Variants in SLIT3 observed in about 807,000 individuals in gnomAD.
The protein encoded by SLIT3 is slit guidance ligand 3.
In SLIT3, 68 loss-of-function variants were observed where a neutral mutation model predicts 184.0. The observed-to-expected ratio is 0.37, with a 90% CI of 0.30 to 0.45. The LOEUF is 0.45. Among genes scored for constraint, SLIT3 ranks in the 20% least tolerant of loss-of-function variants. The probability of loss-of-function intolerance (pLI) is 1.00; values close to 1 mark genes in which losing one functional copy is unlikely to be tolerated. For missense variants in SLIT3, 1,707 were observed against 2,026.0 expected (o/e 0.84, Z 3.02); for synonymous variants, 831 against 828.6 (o/e 1.00, Z -0.05).
At chr5:169,214,764 C>T (rs112801336) in intron 3 of SLIT3, among the ~76,000 whole-genome samples, 7 of 152,334 alleles carry the variant, frequency 4.6e-5, no homozygotes, top group African/African-American at 1.7e-4. Flanking sequence ...ACTGTCATCT[C>T]CTTCCATCCC....
Position 168,775,090 on chromosome 5 carries a change from T to A in SLIT3, c.1152-712A>T, listed in dbSNP as rs1022188221. Among the ~76,000 whole-genome samples the A allele has an allele frequency of 8.7e-5, 13 of 149,816 alleles. No homozygotes were observed. In the Admixed American group the frequency reaches 8.8e-4, roughly 10 times the overall value. On this transcript the variant is annotated intron_variant, in intron 12 of 35. Coordinates refer to ENST00000519560, the MANE Select transcript of SLIT3 (RefSeq NM_003062.4). ...CTTGCTCTTGTCGCCCAGGCTGGAGTTCAATGGCGTGATCTCGGCTCACTG... is the reference window on the plus strand; with the variant it reads ...CTTGCTCTTGTCGCCCAGGCTGGAGATCAATGGCGTGATCTCGGCTCACTG...
rs114696446 is a variant in SLIT3 at position 169,089,955 on chromosome 5, T to A, written c.413+103524A>T. 4.7e-3 allele frequency among the ~76,000 whole-genome samples: 722 copies of A among 152,190 alleles called. 6 individuals carry two copies. Among genetic ancestry groups the A allele is most frequent in the Middle Eastern group, 0.014 (4 of 294 alleles). On this transcript the variant is annotated intron_variant, in intron 4 of 35. Transcript: ENST00000519560. ...AGCTTGGACTTGGTATCATTCAGAG[T>A]CCTACCAAGAGAATCAAAACCACTT... is the stretch of plus-strand genomic sequence containing the variant.
At chr5:169,160,169 T>C (rs1262012119) in intron 4 of SLIT3, among the ~76,000 whole-genome samples, 1 of 152,238 alleles carries the variant, frequency 6.6e-6, no homozygotes, top group African/African-American at 2.4e-5. Flanking sequence ...GAGTTGTACT[T>C]ACTGAAGGCT....
At chr5:169,287,933 C>T (rs541414760) in intron 1 of SLIT3, among the ~76,000 whole-genome samples, 1 of 152,284 alleles carries the variant, frequency 6.6e-6, no homozygotes, top group East Asian at 1.9e-4. Flanking sequence ...ACCCTTTCTC[C>T]CAGAGCAGGG....
At chr5:169,088,861 A>C (rs919653675) in intron 4 of SLIT3, among the ~76,000 whole-genome samples, 4 of 151,700 alleles carry the variant, frequency 2.6e-5, no homozygotes, top group African/African-American at 7.3e-5. Flanking sequence ...CTCTACTAGA[A>C]ATACAAAAAT....
chr5:168,805,781 A>G (rs1756933746), intron 9 of SLIT3, among the ~76,000 whole-genome samples: 1 of 152,238 alleles, frequency 6.6e-6, no homozygotes, highest in Admixed American at 6.5e-5. Context: ...AATGGTAGCT[A>G]AGAAATGAGT....
At chr5:168,817,692 T>C (rs1293207105) in intron 7 of SLIT3, among the ~76,000 whole-genome samples, 2 of 152,234 alleles carry the variant, frequency 1.3e-5, no homozygotes, top group Non-Finnish European at 2.9e-5. Context: ...AAAGCTCATT[T>C]TTTAATAGCA....
At chr5:168,966,148 A>G (rs1272239532) in intron 4 of SLIT3, among the ~76,000 whole-genome samples, 1 of 151,984 alleles carries the variant, frequency 6.6e-6, no homozygotes, top group African/African-American at 2.4e-5. Flanking sequence ...TAAGAATTAA[A>G]CTCTACAGTT....
At chr5:168,856,766 C>T (rs967163254) in intron 5 of SLIT3, among the ~76,000 whole-genome samples, 6 of 132,932 alleles carry the variant, frequency 4.5e-5, no homozygotes, top group South Asian at 5.7e-4. Flanking sequence ...CTGAGTTCCT[C>T]GTGTGTGTGT....
chr5:169,130,926 G>A (rs1327766225), intron 4 of SLIT3, among the ~76,000 whole-genome samples: 4 of 152,070 alleles, frequency 2.6e-5, no homozygotes, highest in Non-Finnish European at 4.4e-5. Context: ...TATACAAAAT[G>A]TTGCAATATG....
intron 5 of SLIT3, among the ~76,000 whole-genome samples, chr5:168,857,758 C>T (rs1169220038): frequency 1.3e-5 from 2 of 152,178 alleles, no homozygotes; most frequent in African/African-American, 4.8e-5. Context: ...GGTCGGAGGG[C>T]TGAACAGCAG....
At chr5:168,960,314 C>T (rs1476718738) in intron 4 of SLIT3, among the ~76,000 whole-genome samples, 1 of 152,188 alleles carries the variant, frequency 6.6e-6, no homozygotes, top group Non-Finnish European at 1.5e-5. Flanking sequence ...AGCCATGCCT[C>T]TTCTCTGAAT....
intron 4 of SLIT3, among the ~76,000 whole-genome samples, chr5:168,925,140 C>A (rs993709284): frequency 6.6e-6 from 1 of 152,198 alleles, no homozygotes; most frequent in African/African-American, 2.4e-5. Context: ...ACAGTTTAAG[C>A]AGGAAGTCCA....
chr5:169,045,640 T>C (rs900665693), intron 4 of SLIT3, among the ~76,000 whole-genome samples: 1 of 152,132 alleles, frequency 6.6e-6, no homozygotes, highest in Non-Finnish European at 1.5e-5. Context: ...TTTTACATCA[T>C]TATCACATTT....
At chr5:169,251,531 T>C in intron 1 of SLIT3, 72 bp from the exon 2 acceptor site, 1 of 1,007,290 alleles carries the variant, frequency 9.9e-7, no homozygotes, top group Non-Finnish European at 1.6e-6. Flanking sequence ...CAGACTGGCT[T>C]GGACTGAAGG....
At chr5:168,981,460 C>T (rs1163402434) in intron 4 of SLIT3, among the ~76,000 whole-genome samples, 1 of 152,166 alleles carries the variant, frequency 6.6e-6, no homozygotes, top group Non-Finnish European at 1.5e-5. Context: ...AGCACCAATG[C>T]ATGTGGTGGA....
chr5:168,940,141 G>A (rs974467742), intron 4 of SLIT3, among the ~76,000 whole-genome samples: 4 of 152,208 alleles, frequency 2.6e-5, no homozygotes, highest in African/African-American at 7.2e-5. Flanking sequence ...TGCTAACAGA[G>A]GGTAATAGCC....
intron 4 of SLIT3, among the ~76,000 whole-genome samples, chr5:169,032,509 A>ATTTTTTT (rs3072089): frequency 5.6e-4 from 82 of 145,354 alleles, no homozygotes; most frequent in African/African-American, 1.8e-3. Context: ...TGTGCCAGTC[A>ATTTTTTT]TTTTTTTTTT....
At position 168,711,040 on chromosome 5, in the gene SLIT3, T is replaced by G; in HGVS notation, c.2574A>C (p.Pro858=). The G allele has an allele frequency of 1.3e-6, 2 of 1,584,594 alleles. No individual in the cohort carries two copies. The highest frequency in any genetic ancestry group is 1.7e-6 in the Non-Finnish European group (2 of 1,164,862). The stretch of plus-strand genomic sequence containing the variant: ...ACCGAAGACTGCAGTCACAGTGGAG[T>G]GGGTTGGTTCCCAGCGCCCTAGGAG... The part of the protein sequence containing the change: ...SLSHLALGTN[P]LHCDCSLRWL... The change falls in exon 25 of 36, where the codon CCA becomes CCC. Residue 858 remains proline (P), a synonymous_variant. Transcript: ENST00000519560.
Sources: gnomAD v4.1 joint callset for allele counts (sites outside exome capture counted in the v4.1 genomes callset) on GRCh38, gnomAD v4.1.1 for gene constraint, MANE v1.5 for transcripts, NCBI Gene and HGNC (gene_info 2026-07-23, HGNC 2026-07-21) for gene names.